BORCS5: variants seen among roughly 807,000 people sequenced by gnomAD.
The protein encoded by BORCS5 is BLOC-1 related complex subunit 5.
Under a neutral mutation model 22.1 loss-of-function variants are expected in BORCS5, and 17 were observed. That is an observed-to-expected ratio of 0.77 (90% CI 0.53 to 1.15). BORCS5 has a LOEUF of 1.15. Among genes scored for constraint, BORCS5 ranks in the 50% most tolerant of loss-of-function variants. The pLI is 0.00. For missense variants in BORCS5, 247 were observed against 253.2 expected (o/e 0.98, Z 0.17); for synonymous variants, 117 against 99.8 (o/e 1.17, Z -1.03).
intron 2 of BORCS5, among the ~76,000 whole-genome samples, chr12:12,379,684 C>G (rs1271776109): frequency 6.6e-6 from 1 of 151,306 alleles, no homozygotes; most frequent in Non-Finnish European, 1.5e-5. Context: ...CTCTGAGGTG[C>G]TTCCTTGATT....
chr12:12,464,426 C>G (rs1425911452), intron 3 of BORCS5, among the ~76,000 whole-genome samples: 1 of 152,098 alleles, frequency 6.6e-6, no homozygotes, highest in Non-Finnish European at 1.5e-5. Flanking sequence ...TTGTGTCTCT[C>G]GAAGCCATTT....
chr12:12,379,313 C>T (rs1323680352), intron 2 of BORCS5, among the ~76,000 whole-genome samples: 1 of 150,650 alleles, frequency 6.6e-6, no homozygotes, highest in East Asian at 1.9e-4. Context: ...TATGGTTTCA[C>T]CATGTTAGCC....
At chr12:12,386,994 G>A (rs1863897689) in intron 2 of BORCS5, among the ~76,000 whole-genome samples, 2 of 150,956 alleles carry the variant, frequency 1.3e-5, no homozygotes, top group Non-Finnish European at 1.5e-5. Context: ...CTCCTGAATA[G>A]CTAAGACTAC....
intron 2 of BORCS5, among the ~76,000 whole-genome samples, chr12:12,378,475 A>G (rs1465649012): frequency 1.3e-5 from 2 of 152,236 alleles, no homozygotes; most frequent in African/African-American, 2.4e-5. Flanking sequence ...CCCTCAGTAC[A>G]TGATTCTTGT....
chr12:12,465,236 T>C (rs1383750088), intron 3 of BORCS5, among the ~76,000 whole-genome samples: 2 of 152,190 alleles, frequency 1.3e-5, no homozygotes, highest in Non-Finnish European at 2.9e-5. Flanking sequence ...GCCTGACTGA[T>C]TTCCACATCC....
chr12:12,358,246 G>A (rs1303639160), intron 1 of BORCS5, among the ~76,000 whole-genome samples: 1 of 152,202 alleles, frequency 6.6e-6, no homozygotes, highest in Admixed American at 6.5e-5. Flanking sequence ...TAAGCTCCGG[G>A]GTTGCTAACG....
chr12:12,420,177 A>G (rs1226144855), intron 2 of BORCS5, among the ~76,000 whole-genome samples: 1 of 145,564 alleles, frequency 6.9e-6, no homozygotes, highest in Non-Finnish European at 1.5e-5. Flanking sequence ...TTATGGTTTT[A>G]GGTCTAACAT....
chr12:12,408,051 A>G (rs1693561325), intron 2 of BORCS5, among the ~76,000 whole-genome samples: 1 of 152,198 alleles, frequency 6.6e-6, no homozygotes, highest in Non-Finnish European at 1.5e-5. Flanking sequence ...TGAATCATAC[A>G]GTTTTTGTCC....
At chr12:12,438,116 TG>T (rs1260727682) in intron 3 of BORCS5, among the ~76,000 whole-genome samples, 1 of 152,110 alleles carries the variant, frequency 6.6e-6, no homozygotes, top group African/African-American at 2.4e-5. Flanking sequence ...TATAATAAAT[TG>T]GCTTTTTGAT....
intron 2 of BORCS5, among the ~76,000 whole-genome samples, chr12:12,418,684 T>G (rs1942036701): frequency 6.6e-6 from 1 of 152,136 alleles, no homozygotes; most frequent in African/African-American, 2.4e-5. Flanking sequence ...GAGACTCTCT[T>G]TCAGTATAGC....
intron 2 of BORCS5, among the ~76,000 whole-genome samples, chr12:12,425,155 C>T (rs182290208): frequency 2.1e-4 from 32 of 152,322 alleles, no homozygotes; most frequent in Admixed American, 7.8e-4. Context: ...GGAATAAGTG[C>T]GTAGCTGCCT....
At chr12:12,375,917 G>A (rs2136036442) in intron 2 of BORCS5, among the ~76,000 whole-genome samples, 1 of 152,100 alleles carries the variant, frequency 6.6e-6, no homozygotes, top group East Asian at 1.9e-4. Flanking sequence ...TGATTCTCCT[G>A]CCTCAGCCTC....
chr12:12,456,308 G>A lies in BORCS5; in HGVS notation c.361-9238G>A, dbSNP rs1014789020. Among the ~76,000 whole-genome samples, 9 of 152,202 alleles carry A rather than the reference G, an allele frequency of 5.9e-5. No homozygotes were observed. In the South Asian group the frequency reaches 1.4e-3, roughly 24 times the overall value. ...TAGCCAGGCATGGTGGCATGTGCCT[G>A]TAGTCTCAGCTACTCAGGAAGCTGA... On this transcript the variant is annotated intron_variant, in intron 3 of 3. Coordinates refer to ENST00000314565, the MANE Select transcript of BORCS5 (RefSeq NM_058169.6).
intron 2 of BORCS5, among the ~76,000 whole-genome samples, chr12:12,387,242 T>C (rs1242550546): frequency 1.3e-5 from 2 of 151,380 alleles, no homozygotes; most frequent in African/African-American, 4.9e-5. Flanking sequence ...ATAGACTGTC[T>C]ATCCATTTGC....
At chr12:12,451,929 T>TTA (rs1555157747) in intron 3 of BORCS5, among the ~76,000 whole-genome samples, 12 of 134,052 alleles carry the variant, frequency 9.0e-5, no homozygotes, top group African/African-American at 3.3e-4. Context: ...AAAAAAAAAT[T>TTA]AAAAAAAAAA....
chr12:12,424,706 T>A (rs1942234367), intron 2 of BORCS5, among the ~76,000 whole-genome samples: 1 of 152,082 alleles, frequency 6.6e-6, no homozygotes, highest in Non-Finnish European at 1.5e-5. Flanking sequence ...TTGGGTTTAT[T>A]TTTGGTATTT....
chr12:12,371,676 C>T (rs1863532342), intron 2 of BORCS5, among the ~76,000 whole-genome samples: 2 of 151,646 alleles, frequency 1.3e-5, no homozygotes, highest in African/African-American at 4.8e-5. Context: ...TACTTTTAAT[C>T]GAAAACTTTG....
At chr12:12,436,645 A>AAGG (rs397697249) in intron 3 of BORCS5, among the ~76,000 whole-genome samples, 1 of 152,012 alleles carries the variant, frequency 6.6e-6, no homozygotes, top group African/African-American at 2.4e-5. Context: ...GTGAGAGAAG[A>AAGG]TGGACATGGA....
At chr12:12,405,692 A>G (rs1941580284) in intron 2 of BORCS5, among the ~76,000 whole-genome samples, 1 of 152,184 alleles carries the variant, frequency 6.6e-6, no homozygotes, top group Non-Finnish European at 1.5e-5. Context: ...ATGTAGTTAA[A>G]TTTTAGTAAA....
Sources: gnomAD v4.1 joint callset for allele counts (sites outside exome capture counted in the v4.1 genomes callset) on GRCh38, gnomAD v4.1.1 for gene constraint, MANE v1.5 for transcripts, NCBI Gene and HGNC (gene_info 2026-07-23, HGNC 2026-07-21) for gene names.